The following ARHGAP28 variants were observed in gnomAD, a reference collection of about 807,000 sequenced individuals.
ARHGAP28 encodes the protein rho GTPase-activating protein 28.
ARHGAP28 carries 56 observed loss-of-function variants against 90.7 expected under a neutral mutation model. The observed-to-expected ratio is 0.62, with a 90% CI of 0.50 to 0.77. The LOEUF (loss-of-function observed/expected upper bound fraction) is 0.77. Ranked by LOEUF, ARHGAP28 falls within the 30% of genes least tolerant of loss-of-function variation. The pLI, the probability that ARHGAP28 is intolerant of heterozygous loss-of-function variation, is 0.00. For missense variants in ARHGAP28, 869 were observed against 900.9 expected (o/e 0.96, Z 0.45); for synonymous variants, 308 against 323.3 (o/e 0.95, Z 0.51).
intron 6 of ARHGAP28, 89 bp downstream of exon 6, chr18:6,868,323 C>A: frequency 1.7e-6 from 2 of 1,199,372 alleles, no homozygotes; most frequent in Non-Finnish European, 2.4e-6. Context: ...TTTCTAAAAG[C>A]GAAGTATAAG....
intron 1 of ARHGAP28, among the ~76,000 whole-genome samples, chr18:6,758,391 T>C (rs1019198209): frequency 1.2e-4 from 19 of 152,108 alleles, no homozygotes; most frequent in Non-Finnish European, 4.4e-5. Context: ...TGGCATGATC[T>C]CGGCTCACTG....
At chr18:6,739,718 T>G (rs1357088101) in intron 1 of ARHGAP28, among the ~76,000 whole-genome samples, 1 of 151,794 alleles carries the variant, frequency 6.6e-6, no homozygotes, top group Non-Finnish European at 1.5e-5. Flanking sequence ...TCTTTAGGTT[T>G]ATGTTCTTAG....
intron 1 of ARHGAP28, among the ~76,000 whole-genome samples, chr18:6,759,017 A>G (rs528082954): frequency 6.0e-4 from 91 of 152,350 alleles, no homozygotes; most frequent in African/African-American, 2.0e-3. Flanking sequence ...TTTGAATAAA[A>G]TCCTTGTTTA....
chr18:6,757,060 A>G (rs1242694203), intron 1 of ARHGAP28, among the ~76,000 whole-genome samples: 4 of 152,324 alleles, frequency 2.6e-5, no homozygotes, highest in East Asian at 1.9e-4. Flanking sequence ...AATCCTATCA[A>G]GTTGACACTT....
At chr18:6,730,195 T>TGATAC in intron 1 of ARHGAP28, 1 of 273,396 alleles carries the variant, frequency 3.7e-6, no homozygotes, top group African/African-American at 3.2e-5. Context: ...ATTGCATTCT[T>TGATAC]GATACGATTT....
chr18:6,909,180 A>G (rs780322745), intron 17 of ARHGAP28, among the ~76,000 whole-genome samples, 156 bp downstream of exon 17: 1 of 152,156 alleles, frequency 6.6e-6, no homozygotes. Flanking sequence ...GAACAGTTGC[A>G]CAGCTTTTCT....
chr18:6,782,429 T>G (rs1010777669), intron 1 of ARHGAP28, among the ~76,000 whole-genome samples: 21 of 151,668 alleles, frequency 1.4e-4, no homozygotes, highest in Non-Finnish European at 2.6e-4. Context: ...ATTATTATTA[T>G]TATTTTGAGA....
chr18:6,883,314 C>A (rs1270627), intron 11 of ARHGAP28, among the ~76,000 whole-genome samples: 123,052 of 151,396 alleles, frequency 0.81, 50,261 homozygotes, highest in Non-Finnish European at 0.86. Context: ...TCTTGGCTCA[C>A]AGCAACCTCC....
At chr18:6,803,026 A>G (rs148675840) in intron 1 of ARHGAP28, among the ~76,000 whole-genome samples, 1 of 152,094 alleles carries the variant, frequency 6.6e-6, no homozygotes, top group Non-Finnish European at 1.5e-5. Context: ...ATTTTTTATG[A>G]TATCTACATA....
In ARHGAP28 at chr18:6,736,603, C is replaced by T. The variant is rs191541018; in HGVS notation, c.122+6660C>T. Reference sequence around the variant, plus strand: ...TAAAAAAAAAAAATACAAAATTAGTCGAGCGTGATGGTGGGCGCCTGTAAT... The same window carrying T: ...TAAAAAAAAAAAATACAAAATTAGTTGAGCGTGATGGTGGGCGCCTGTAAT... On this transcript the variant is annotated intron_variant, in intron 1 of 17. Coordinates refer to ENST00000383472, the MANE Select transcript of ARHGAP28 (RefSeq NM_001366230.1). Among the ~76,000 whole-genome samples, 73 of 151,332 alleles carry T rather than the reference C, an allele frequency of 4.8e-4. No homozygotes were observed. In the East Asian group the frequency reaches 0.013, roughly 28 times the overall value.
rs1352405664 is a variant in ARHGAP28, at chr18:6,729,894, G to A, written c.73G>A (p.Ala25Thr). 3.5e-6 allele frequency: 5 copies of A among 1,424,644 alleles called. No individual in the cohort carries two copies. The highest frequency in any genetic ancestry group is 4.6e-6 in the Non-Finnish European group (5 of 1,091,858). 88.3% of individuals were successfully genotyped at this position (1,424,644 alleles called of 1,614,324 possible). Residue 25 changes from alanine (A) to threonine (T), a missense_variant, in exon 1 of 18, where the codon GCC (alanine) becomes ACC (threonine). By Grantham distance (58) the Ala-to-Thr change is moderately conservative (BLOSUM62 0). Coordinates refer to ENST00000383472, the MANE Select transcript of ARHGAP28 (RefSeq NM_001366230.1). Reference protein sequence around the residue: ...HSYARAQPPNAESRCAPRAAA... With the variant: ...HSYARAQPPNTESRCAPRAAA... ...GTACGCGCGCGCCCAGCCCCCCAAC[G>A]CCGAGTCGCGCTGCGCGCCCCGCGC... is the stretch of plus-strand genomic sequence containing the variant.
chr18:6,774,923 C>G (rs2143435760), intron 1 of ARHGAP28, among the ~76,000 whole-genome samples: 1 of 152,250 alleles, frequency 6.6e-6, no homozygotes, highest in Non-Finnish European at 1.5e-5. Context: ...CTCTGTCTAC[C>G]CCTCCCTTAA....
intron 3 of ARHGAP28, among the ~76,000 whole-genome samples, chr18:6,841,193 C>CTCCTCTCTCACTGTCTCTCTCCTCTT (rs2056818427): frequency 6.5e-5 from 4 of 61,300 alleles, no homozygotes; most frequent in Non-Finnish European, 6.3e-5. Context: ...CTCTCTCTCT[C>CTCCTCTCTCACTGTCTCTCTCCTCTT]TCTCTCTCTC....
chr18:6,886,070 T>C (rs1743163156), intron 11 of ARHGAP28, among the ~76,000 whole-genome samples: 1 of 152,178 alleles, frequency 6.6e-6, no homozygotes, highest in Non-Finnish European at 1.5e-5. Context: ...TCTCCCCATA[T>C]TGCTTGGTTG....
intron 16 of ARHGAP28, among the ~76,000 whole-genome samples, chr18:6,901,777 C>G (rs2057339920): frequency 6.6e-6 from 1 of 152,118 alleles, no homozygotes. Flanking sequence ...GCTGCCATAA[C>G]AGATTACCAC....
rs753394799 is a variant in ARHGAP28, at chr18:6,837,298, C to T, written c.427C>T (p.Arg143Ter). 2 of 1,612,582 alleles carry T rather than the reference C, an allele frequency of 1.2e-6. No individual in the cohort carries two copies. Among genetic ancestry groups the T allele is most frequent in the Non-Finnish European group, 1.7e-6 (2 of 1,179,444 alleles). The stretch of plus-strand genomic sequence containing the variant: ...CAAAGCCTTGCTCTCCACATTGACT[C>T]GAACCCAAGCAGCTGCCGTGCAAAA... ...DGKALLSTLT[R>*]TQAAAVQKRY... Residue 143 changes from arginine to a stop codon, truncating the protein, a stop_gained, in exon 3 of 18, where the codon CGA becomes TGA. Transcript: ENST00000383472. LOFTEE classifies it high-confidence loss of function.
chr18:6,837,916 C>G (rs1310363145), intron 3 of ARHGAP28, among the ~76,000 whole-genome samples: 1 of 152,108 alleles, frequency 6.6e-6, no homozygotes, highest in Non-Finnish European at 1.5e-5. Flanking sequence ...TTCAGAAAAG[C>G]ATAAGGGAAA....
chr18:6,879,741 C>T (rs2057162445), intron 10 of ARHGAP28, among the ~76,000 whole-genome samples: 2 of 152,162 alleles, frequency 1.3e-5, no homozygotes, highest in African/African-American at 2.4e-5. Flanking sequence ...GCAGCCAGTG[C>T]GGTGTTTATT....
intron 1 of ARHGAP28, among the ~76,000 whole-genome samples, chr18:6,742,620 C>G (rs1306676037): frequency 6.6e-6 from 1 of 152,152 alleles, no homozygotes; most frequent in African/African-American, 2.4e-5. Flanking sequence ...GCTCAGCAGA[C>G]AGGTGGCTAT....
Sources: allele counts gnomAD v4.1 joint callset (sites outside exome capture counted in the v4.1 genomes callset), GRCh38; gene constraint gnomAD v4.1.1; transcripts MANE v1.5; gene names NCBI Gene and HGNC (gene_info 2026-07-23, HGNC 2026-07-21).